Variants in EPHA8 observed in about 807,000 individuals in gnomAD.
EPHA8 encodes the protein EPH receptor A8.
A neutral mutation model predicts 103.6 loss-of-function variants in EPHA8; 58 were observed. The ratio of observed to expected loss-of-function variants is 0.56; its 90% CI spans 0.45 to 0.70. EPHA8 has a LOEUF of 0.70. Ranked by LOEUF, EPHA8 falls within the 30% of genes least tolerant of loss-of-function variation. The pLI, the probability that EPHA8 is intolerant of heterozygous loss-of-function variation, is 0.00. For synonymous variants in EPHA8, 559 were observed against 572.5 expected (o/e 0.98, Z 0.34); for missense variants, 1,304 against 1,395.2 (o/e 0.93, Z 1.04).
chr1:22,590,525 C>A (rs1344810344), intron 5 of EPHA8, among the ~76,000 whole-genome samples: 2 of 152,170 alleles, frequency 1.3e-5, no homozygotes, highest in African/African-American at 4.8e-5. Flanking sequence ...CCTCTTCCCC[C>A]TTTCATTTCC....
chr1:22,603,369 C>CG lies in EPHA8; in HGVS notation c.*1628_*1629insG, dbSNP rs1641792484. ...GTCGGAAACATGGTCAGAACACGAT[C>CG]TGGGGGGGGGATCCTGTCTTCCTCC... On this transcript the variant is annotated 3_prime_UTR_variant, in exon 17 of 17. Coordinates refer to ENST00000166244, the MANE Select transcript of EPHA8 (RefSeq NM_020526.5). The CG allele has an allele frequency of 6.7e-6, 1 of 149,358 alleles. No homozygotes were observed. The highest frequency in any genetic ancestry group is 1.5e-5 in the Non-Finnish European group (1 of 66,782). 9.3% of individuals were successfully genotyped at this position (149,358 alleles called of 1,614,324 possible).
intron 1 of EPHA8, among the ~76,000 whole-genome samples, chr1:22,564,043 A>T (rs1640280334): frequency 6.6e-6 from 1 of 151,652 alleles, no homozygotes; most frequent in Non-Finnish European, 1.5e-5. Flanking sequence ...GGACAAGGGG[A>T]CAGGACTGGA....
At position 22,597,840 on chromosome 1, in the gene EPHA8, C is replaced by T; in HGVS notation, c.2095C>T (p.Leu699Phe). 6.2e-7 allele frequency: 1 copy of T among 1,611,162 alleles called. No homozygotes were observed. ...GQFDHPNIIRLEGVVTRGRLA... is the reference protein window; with the variant it reads ...GQFDHPNIIRFEGVVTRGRLA... ...ATTCGACCATCCCAACATCATCCGC[C>T]TCGAGGGTGTCGTCACCCGTGGTAG... The change falls in exon 11 of 17, where the codon CTC becomes TTC. Residue 699 changes from leucine (L) to phenylalanine (F), a missense_variant. Leu to Phe is a conservative substitution (Grantham distance 22). Coordinates refer to ENST00000166244, the MANE Select transcript of EPHA8 (RefSeq NM_020526.5). This position sits in a 1 kb window ranked among gnomAD's most constrained non-coding sequence, Gnocchi z 4.6.
chr1:22,576,854 A>T lies in EPHA8; in HGVS notation c.797A>T (p.Tyr266Phe). The change falls in exon 3 of 17, where the codon TAC (tyrosine) becomes TTC (phenylalanine). Residue 266 changes from tyrosine (Y) to phenylalanine (F), a missense_variant. Physicochemically the swap from Tyr to Phe is conservative, Grantham distance 22. Coordinates refer to ENST00000166244, the MANE Select transcript of EPHA8 (RefSeq NM_020526.5). This position sits in a 1 kb window ranked among gnomAD's most constrained non-coding sequence, Gnocchi z 4.8. The stretch of plus-strand genomic sequence containing the variant: ...GGCAAATGCGTGTGCAGTGCCGGCT[A>T]CGAGGAGCGGCGGGATGCCTGTGTG... ...PIGKCVCSAG[Y>F]EERRDACVAC... 1 of 1,600,020 alleles carries T rather than the reference A, an allele frequency of 6.2e-7. No homozygotes were observed. Among genetic ancestry groups the T allele is most frequent in the Non-Finnish European group, 8.5e-7 (1 of 1,171,268 alleles).
In EPHA8 at chr1:22,601,912, C is replaced by A. The variant is rs941345550; in HGVS notation, c.*171C>A. 4 of 708,914 alleles carry A rather than the reference C, an allele frequency of 5.6e-6. No individual in the cohort carries two copies. The highest frequency in any genetic ancestry group is 2.3e-6 in the Non-Finnish European group (1 of 433,726). 43.9% of individuals were successfully genotyped at this position (708,914 alleles called of 1,614,324 possible). On this transcript the variant is annotated 3_prime_UTR_variant, in exon 17 of 17. Transcript: ENST00000166244. ...GGACCTGGAGTTATCAGGGGTCAGG[C>A]GCCTGGGAAGGGGCCTTTGGTGGCC...
chr1:22,595,523 G>C (rs906816403), intron 8 of EPHA8, among the ~76,000 whole-genome samples, 200 bp downstream of exon 8: 2 of 152,332 alleles, frequency 1.3e-5, no homozygotes, highest in African/African-American at 4.8e-5. Context: ...TTGGGGATCA[G>C]AGAGGTTAGT....
rs1246711249 is a variant in EPHA8 at position 22,603,043 on chromosome 1, G to A, written c.*1302G>A. 2 of 152,528 alleles carry A rather than the reference G, an allele frequency of 1.3e-5. No homozygotes were observed. The highest frequency in any genetic ancestry group is 4.8e-5 in the African/African-American group (2 of 41,388). 9.4% of individuals were successfully genotyped at this position (152,528 alleles called of 1,614,324 possible). On this transcript the variant is annotated 3_prime_UTR_variant, in exon 17 of 17. Coordinates refer to ENST00000166244, the MANE Select transcript of EPHA8 (RefSeq NM_020526.5). ...TGACAATGCAAAAATGGTCTTCAAA[G>A]CACATAAAAAGCACCCAGGGTGAGA...
At chr1:22,586,760 A>C in intron 4 of EPHA8, 125 bp downstream of exon 4, 1 of 1,228,472 alleles carries the variant, frequency 8.1e-7, no homozygotes, top group Non-Finnish European at 1.1e-6. Context: ...GGCTCTCTTG[A>C]GCCAGAGGCC....
At chr1:22,593,073 G>GTCTT (rs1388370311) in intron 5 of EPHA8, among the ~76,000 whole-genome samples, 1 of 152,160 alleles carries the variant, frequency 6.6e-6, no homozygotes, top group Non-Finnish European at 1.5e-5. Context: ...AGGCTCAAGC[G>GTCTT]TCTTCTTGTC....
chr1:22,584,215 C>T (rs1641123759), intron 3 of EPHA8, among the ~76,000 whole-genome samples: 1 of 152,160 alleles, frequency 6.6e-6, no homozygotes, highest in African/African-American at 2.4e-5. Flanking sequence ...AGGCTGTGCC[C>T]CAGGACTGAG....
At chr1:22,591,334 C>G (rs1236469982) in intron 5 of EPHA8, among the ~76,000 whole-genome samples, 1 of 152,024 alleles carries the variant, frequency 6.6e-6, no homozygotes. Context: ...AAGTGATCCT[C>G]CCACCTCAGC....
At chr1:22,601,543 A>G in intron 16 of EPHA8, 70 bp downstream of exon 16, 2 of 1,597,770 alleles carry the variant, frequency 1.3e-6, no homozygotes, top group East Asian at 2.3e-5. Context: ...CGGGGAGGCT[A>G]CAGGTCCAGA....
chr1:22,583,206 G>C (rs945990364), intron 3 of EPHA8, among the ~76,000 whole-genome samples: 6 of 152,240 alleles, frequency 3.9e-5, no homozygotes, highest in African/African-American at 1.2e-4. Context: ...AGGCAGGGCC[G>C]GGCCCCAGCC....
chr1:22,595,392 C>T, intron 8 of EPHA8, 69 bp downstream of exon 8: 1 of 1,362,628 alleles, frequency 7.3e-7, no homozygotes. Flanking sequence ...TGCCCCCAGC[C>T]CCACCGAGCC....
chr1:22,578,120 GTGTATGCA>G (rs954692469), intron 3 of EPHA8, among the ~76,000 whole-genome samples: 70 of 76,804 alleles, frequency 9.1e-4, no homozygotes, highest in Admixed American at 5.2e-3. Flanking sequence ...GTGTGCGTGA[GTGTATGCA>G]TGTGTGCATG....
At chr1:22,578,630 CATGTGT>C (rs1235930968) in intron 3 of EPHA8, among the ~76,000 whole-genome samples, 3 of 141,446 alleles carry the variant, frequency 2.1e-5, no homozygotes, top group Non-Finnish European at 4.6e-5. Flanking sequence ...TGCGTGTGTG[CATGTGT>C]GTATGTGTAT....
At chr1:22,585,060 T>TGCGCGC (rs1641164822) in intron 3 of EPHA8, among the ~76,000 whole-genome samples, 1 of 118,550 alleles carries the variant, frequency 8.4e-6, no homozygotes. Flanking sequence ...TGCGCACGCG[T>TGCGCGC]GTGTCTAGAG....
rs1188698841 is a variant in EPHA8 at position 22,576,561 on chromosome 1, G to A, written c.504G>A (p.Thr168=). ...GTGTGCGGCGTCTCAAGCTCAACAC[G>A]GAGGTGCGCAGTGTGGGTCCCCTCA... ...DLGVRRLKLN[T]EVRSVGPLSK... is the part of the protein sequence containing the mutation. The change falls in exon 3 of 17, where the codon ACG becomes ACA. Residue 168 remains threonine (T), a synonymous_variant. Transcript: ENST00000166244. This position sits in a 1 kb window ranked among gnomAD's most constrained non-coding sequence, Gnocchi z 4.8. 6.2e-7 allele frequency: 1 copy of A among 1,614,150 alleles called. No individual in the cohort carries two copies. The highest frequency in any genetic ancestry group is 8.5e-7 in the Non-Finnish European group (1 of 1,180,048).
At chr1:22,588,300 G>A (rs1470959619) in intron 4 of EPHA8, among the ~76,000 whole-genome samples, 2 of 149,572 alleles carry the variant, frequency 1.3e-5, no homozygotes, top group East Asian at 2.0e-4. Flanking sequence ...CCTCAACCAA[G>A]GGGTCACCCC....
Sources: allele counts gnomAD v4.1 joint callset (sites outside exome capture counted in the v4.1 genomes callset), GRCh38; gene constraint gnomAD v4.1.1; non-coding constraint Gnocchi (gnomAD v3.1); transcripts MANE v1.5; gene names NCBI Gene and HGNC (gene_info 2026-07-23, HGNC 2026-07-21).